Variants in SLC36A3 observed in about 807,000 individuals in gnomAD.
SLC36A3 encodes proton-coupled amino acid transporter 3.
Under a neutral mutation model 44.3 loss-of-function variants are expected in SLC36A3, and 35 were observed. The observed-to-expected ratio is 0.79, with a 90% confidence interval of 0.60 to 1.05. The LOEUF (loss-of-function observed/expected upper bound fraction) is 1.05, where lower values mean the gene tolerates loss of function less well. SLC36A3 is among the 50% of genes least tolerant of loss of function. The pLI is 0.00. For missense variants in SLC36A3, 540 were observed against 578.7 expected (o/e 0.93, Z 0.69); for synonymous variants, 211 against 227.6 (o/e 0.93, Z 0.66).
At chr5:151,299,332 T>C (rs113952774) in intron 1 of SLC36A3, among the ~76,000 whole-genome samples, 9 of 140,866 alleles carry the variant, frequency 6.4e-5, no homozygotes, top group African/African-American at 2.4e-4. Context: ...GGGAGGACTG[T>C]GGGGAGAATT....
chr5:151,277,107 TG>T lies in SLC36A3; in HGVS notation c.*285del. 2.4e-6 allele frequency: 1 copy of T among 424,994 alleles called. No individual in the cohort carries two copies. Among genetic ancestry groups the T allele is most frequent in the Non-Finnish European group, 4.2e-6 (1 of 236,220 alleles). The allele number at this position is 424,994 out of a possible 1,614,324, so 26.3% of individuals were successfully genotyped here. The stretch of plus-strand genomic sequence containing the variant: ...GCTTGGTCTCTGTTTCAAGGGCTAT[TG>T]GGGTAAGTGGCATCCCTTTTCCATA... On this transcript the variant is annotated 3_prime_UTR_variant, in exon 10 of 10. Coordinates refer to ENST00000335230, the MANE Select transcript of SLC36A3 (RefSeq NM_181774.4).
chr5:151,302,303 A>G (rs1476242401), intron 1 of SLC36A3, among the ~76,000 whole-genome samples: 1 of 152,182 alleles, frequency 6.6e-6, no homozygotes, highest in African/African-American at 2.4e-5. Context: ...AACACTGGGG[A>G]TTGTCATCGA....
At chr5:151,292,613 C>T (rs1420902728) in intron 4 of SLC36A3, among the ~76,000 whole-genome samples, 1 of 152,210 alleles carries the variant, frequency 6.6e-6, no homozygotes, top group African/African-American at 2.4e-5. Context: ...CAGGGAACAA[C>T]CTGAATGTTC....
chr5:151,290,320 T>C (rs1754709410), intron 4 of SLC36A3, among the ~76,000 whole-genome samples: 2 of 152,248 alleles, frequency 1.3e-5, no homozygotes, highest in African/African-American at 2.4e-5. Flanking sequence ...CATATCATCC[T>C]ATTGAGTCAG....
chr5:151,303,006 G>A (rs1019741303), intron 1 of SLC36A3, among the ~76,000 whole-genome samples: 1 of 152,158 alleles, frequency 6.6e-6, no homozygotes, highest in African/African-American at 2.4e-5. Context: ...TGTTGAGGGT[G>A]GCTGCTCTAG....
Position 151,281,052 on chromosome 5 carries a change from A to G in SLC36A3, c.1106T>C (p.Val369Ala), listed in dbSNP as rs768853141. The G allele has an allele frequency of 6.2e-7, 1 of 1,614,214 alleles. No homozygotes were observed. Among genetic ancestry groups the G allele is most frequent in the South Asian group, 1.1e-5 (1 of 91,084 alleles). Residue 369 changes from valine (V) to alanine (A), a missense_variant, in exon 9 of 10, where the codon GTA becomes GCA. Physicochemically the swap from Val to Ala is moderately conservative, Grantham distance 64 (BLOSUM62 0). Coordinates refer to ENST00000335230, the MANE Select transcript of SLC36A3 (RefSeq NM_181774.4). ...CAAGGCTGAGCGGACAGACAGGTCTACAAACAGTGCCCAGCTCTCTGACAC... is the reference window on the plus strand; with the variant it reads ...CAAGGCTGAGCGGACAGACAGGTCTGCAAACAGTGCCCAGCTCTCTGACAC... Reference protein sequence around the residue: ...SQVSESWALFVDLSVRSALVC... With the variant: ...SQVSESWALFADLSVRSALVC...
At chr5:151,288,953 G>T (rs866145077) in intron 4 of SLC36A3, 1 of 152,934 alleles carries the variant, frequency 6.5e-6, no homozygotes. Flanking sequence ...CCAGCTACTC[G>T]GGAGGCTTGG....
chr5:151,296,231 G>A lies in SLC36A3; in HGVS notation c.257C>T (p.Thr86Ile). 1.9e-6 allele frequency: 3 copies of A among 1,614,200 alleles called. No homozygotes were observed. Among genetic ancestry groups the A allele is most frequent in the Non-Finnish European group, 2.5e-6 (3 of 1,180,036 alleles). ...CAACAGGATGACCATGCAGTGCACG[G>A]TGAGGACCCCGATGGCCAGAAGGCT... ...PVSLLAIGVL[T>I]VHCMVILLNC... is the part of the protein sequence containing the mutation. Residue 86 changes from threonine (T) to isoleucine (I), a missense_variant, in exon 3 of 10, where the codon ACC becomes ATC. Transcript: ENST00000335230.
At chr5:151,281,317 C>T (rs1378454654) in intron 8 of SLC36A3, 134 bp from the exon 9 acceptor site, 2 of 823,004 alleles carry the variant, frequency 2.4e-6, no homozygotes, top group African/African-American at 3.5e-5. Flanking sequence ...GCTTCAAAAT[C>T]CAAAACACTT....
chr5:151,282,306 T>A (rs1187407427), intron 8 of SLC36A3, among the ~76,000 whole-genome samples: 3 of 151,860 alleles, frequency 2.0e-5, no homozygotes, highest in African/African-American at 4.8e-5. Flanking sequence ...GTAGCTGGGA[T>A]TACAGGCATG....
intron 1 of SLC36A3, among the ~76,000 whole-genome samples, chr5:151,300,821 A>G (rs1429764491): frequency 6.6e-6 from 1 of 152,242 alleles, no homozygotes; most frequent in Non-Finnish European, 1.5e-5. Context: ...CACACATTAT[A>G]ATTAGCCCTC....
chr5:151,284,278 G>T (rs149827506), intron 7 of SLC36A3, 68 bp from the exon 8 acceptor site: 75 of 1,318,564 alleles, frequency 5.7e-5, no homozygotes, highest in Non-Finnish European at 7.2e-5. Context: ...GAAGGAGAGG[G>T]TTCCCGTACA....
intron 6 of SLC36A3, among the ~76,000 whole-genome samples, chr5:151,285,508 T>C (rs1405684774): frequency 6.6e-6 from 1 of 152,214 alleles, no homozygotes; most frequent in Non-Finnish European, 1.5e-5. Flanking sequence ...CTAGTTAGTA[T>C]AGCAGCTCTC....
At chr5:151,288,573 A>C (rs1413430003) in intron 4 of SLC36A3, 103 bp from the exon 5 acceptor site, 2 of 1,006,528 alleles carry the variant, frequency 2.0e-6, no homozygotes, top group Non-Finnish European at 2.7e-6. Context: ...TATTATTTTT[A>C]AAAATTTCCC....
chr5:151,303,138 T>G, intron 1 of SLC36A3, 89 bp downstream of exon 1: 1 of 1,472,880 alleles, frequency 6.8e-7, no homozygotes, highest in Non-Finnish European at 9.2e-7. Flanking sequence ...ATAAGCGTGT[T>G]AAGGAGATAG....
In SLC36A3 at chr5:151,281,144, G is replaced by A. The variant is rs1332861955; in HGVS notation, c.1014C>T (p.Ile338=). 3.1e-6 allele frequency: 5 copies of A among 1,613,802 alleles called. No individual in the cohort carries two copies. Among genetic ancestry groups the A allele is most frequent in the Non-Finnish European group, 4.2e-6 (5 of 1,179,898 alleles). ...QSVKLMYSIG[I]FFTYALQFHV... is the part of the protein sequence containing the mutation. ...GGAACTGGAGGGCATAGGTGAAGAAGATGCCGATAGAGTACATCAGCTTGA... is the reference window on the plus strand; with the variant it reads ...GGAACTGGAGGGCATAGGTGAAGAAAATGCCGATAGAGTACATCAGCTTGA... The change falls in exon 9 of 10, where the codon ATC becomes ATT. Residue 338 remains isoleucine (I), a synonymous_variant. Coordinates refer to ENST00000335230, the MANE Select transcript of SLC36A3 (RefSeq NM_181774.4).
At chr5:151,300,403 C>G (rs768456088) in intron 1 of SLC36A3, among the ~76,000 whole-genome samples, 9 of 152,178 alleles carry the variant, frequency 5.9e-5, no homozygotes, top group Non-Finnish European at 1.3e-4. Context: ...TTAGGGCAGT[C>G]TATTCACCTA....
Position 151,298,698 on chromosome 5 carries a change from G to A in SLC36A3, c.129-15C>T. ...TTTGCATCATCCTGTGGTGGGGAGAGTAGGGAGACAGAGGGTACTGTTAGT... is the reference window on the plus strand; with the variant it reads ...TTTGCATCATCCTGTGGTGGGGAGAATAGGGAGACAGAGGGTACTGTTAGT... On this transcript the variant is annotated splice_polypyrimidine_tract_variant and intron_variant, in intron 1 of 9. Coordinates refer to ENST00000335230, the MANE Select transcript of SLC36A3 (RefSeq NM_181774.4). 6.2e-7 allele frequency: 1 copy of A among 1,613,360 alleles called. No homozygotes were observed. Among genetic ancestry groups the A allele is most frequent in the Non-Finnish European group, 8.5e-7 (1 of 1,179,346 alleles).
Position 151,277,637 on chromosome 5 carries a change from C to A in SLC36A3, c.1169G>T (p.Arg390Leu), listed in dbSNP as rs78176362. The A allele has an allele frequency of 1.1e-5, 18 of 1,613,882 alleles. No homozygotes were observed. The highest frequency in any genetic ancestry group is 3.3e-4 in the Middle Eastern group (2 of 6,084). ...TACCAGGGAGATGACCAAGTCCAGGCGGGGGATGAGGATGGCTGAGACACC... is the reference window on the plus strand; with the variant it reads ...TACCAGGGAGATGACCAAGTCCAGGAGGGGGATGAGGATGGCTGAGACACC... ...LTCVSAILIP[R>L]LDLVISLVGS... Residue 390 changes from arginine (R) to leucine (L), a missense_variant, in exon 10 of 10, where the codon CGC becomes CTC. Transcript: ENST00000335230.
Sources: gnomAD v4.1 joint callset for allele counts (sites outside exome capture counted in the v4.1 genomes callset) on GRCh38, gnomAD v4.1.1 for gene constraint, MANE v1.5 for transcripts, NCBI Gene and HGNC (gene_info 2026-07-23, HGNC 2026-07-21) for gene names.